The following G3BP1 variants were observed in gnomAD, a reference collection of about 807,000 sequenced individuals.
G3BP1 encodes ras GTPase-activating protein-binding protein 1.
G3BP1 carries 35 observed loss-of-function variants against 58.6 expected under a neutral mutation model. The ratio of observed to expected loss-of-function variants is 0.60; its 90% CI spans 0.46 to 0.79. The LOEUF is 0.79. G3BP1 is among the 30% of genes least tolerant of loss of function. The pLI is 0.00. For synonymous variants in G3BP1, 191 were observed against 195.4 expected (o/e 0.98, Z 0.19); for missense variants, 523 against 580.8 (o/e 0.90, Z 1.02).
At chr5:151,790,611 T>C (rs1209144566) in intron 3 of G3BP1, among the ~76,000 whole-genome samples, 2 of 152,210 alleles carry the variant, frequency 1.3e-5, no homozygotes, top group East Asian at 1.9e-4. Context: ...TGATATATTC[T>C]AAAGCTTTTG....
chr5:151,775,117 G>A (rs1438259671), intron 1 of G3BP1, among the ~76,000 whole-genome samples: 3 of 152,168 alleles, frequency 2.0e-5, no homozygotes, highest in Non-Finnish European at 2.9e-5. Flanking sequence ...TAGTAAATAA[G>A]GTCTTTAGGC....
chr5:151,799,351 A>T, intron 8 of G3BP1, 38 bp downstream of exon 8: 1 of 1,012,228 alleles, frequency 9.9e-7, no homozygotes, highest in Non-Finnish European at 1.6e-6. Flanking sequence ...AGGCAAATTT[A>T]CTTCTATTGT....
At chr5:151,778,652 A>G (rs1027569782) in intron 1 of G3BP1, among the ~76,000 whole-genome samples, 2 of 152,054 alleles carry the variant, frequency 1.3e-5, no homozygotes, top group Admixed American at 1.3e-4. Context: ...ATGTTGGCCA[A>G]GCTAGTCTCG....
Position 151,799,958 on chromosome 5 carries a change from G to A in G3BP1, c.913G>A (p.Glu305Lys). The part of the protein sequence containing the change: ...QRPQRDQRVR[E>K]QRINIPPQRG... ...ACCTCAGCGGGATCAAAGAGTGCGA[G>A]AACAACGAATAAATATTCCTCCCCA... Residue 305 changes from glutamate (E) to lysine (K), a missense_variant, in exon 9 of 12, where the codon GAA becomes AAA. Physicochemically the swap from Glu to Lys is moderately conservative, Grantham distance 56. This residue lies in a region of G3BP1 where 398 missense variants were observed against 399.1 expected (regional missense o/e 1.00). Coordinates refer to ENST00000356245, the MANE Select transcript of G3BP1 (RefSeq NM_005754.3). 6.2e-7 allele frequency: 1 copy of A among 1,612,870 alleles called. No individual in the cohort carries two copies. The highest frequency in any genetic ancestry group is 1.3e-5 in the African/African-American group (1 of 74,992).
intron 1 of G3BP1, among the ~76,000 whole-genome samples, chr5:151,779,124 C>T (rs901742346): frequency 5.3e-5 from 8 of 151,580 alleles, no homozygotes; most frequent in African/African-American, 7.3e-5. Context: ...GGCTTGCCTG[C>T]GTGCCTTTTC....
At chr5:151,785,538 A>C (rs748039599) in intron 1 of G3BP1, among the ~76,000 whole-genome samples, 27 of 152,132 alleles carry the variant, frequency 1.8e-4, no homozygotes, top group Non-Finnish European at 4.0e-4. Context: ...GGATAATTTT[A>C]TCTCTTCCCC....
intron 3 of G3BP1, 32 bp from the exon 4 acceptor site, chr5:151,790,857 T>TTGA (rs1385132505): frequency 1.6e-6 from 2 of 1,283,374 alleles, no homozygotes; most frequent in African/African-American, 3.0e-5. Flanking sequence ...GCATTCTCAG[T>TTGA]TGATTATTAT....
At chr5:151,795,967 G>A (rs533437404) in intron 6 of G3BP1, among the ~76,000 whole-genome samples, 1 of 152,304 alleles carries the variant, frequency 6.6e-6, no homozygotes, top group African/African-American at 2.4e-5. Flanking sequence ...ATACCAATAT[G>A]TGAGTTAAGT....
intron 1 of G3BP1, 53 bp from the exon 2 acceptor site, chr5:151,786,517 CTG>C: frequency 1.4e-6 from 1 of 731,290 alleles, no homozygotes; most frequent in South Asian, 1.6e-5. Flanking sequence ...GATCTTGTCT[CTG>C]AGTTGGTTTC....
rs1763033233 is a variant in G3BP1, at chr5:151,812,679, A to T, written c.*8588A>T. ...AGTCAATGAATCCTGAGTCAAAATGAAAGGTTGCTAAATCTAAGATCGAGT... is the reference window on the plus strand; with the variant it reads ...AGTCAATGAATCCTGAGTCAAAATGTAAGGTTGCTAAATCTAAGATCGAGT... On this transcript the variant is annotated 3_prime_UTR_variant, in exon 12 of 12. Coordinates refer to ENST00000356245, the MANE Select transcript of G3BP1 (RefSeq NM_005754.3). The T allele has an allele frequency of 6.6e-6, 1 of 152,364 alleles. No homozygotes were observed. The highest frequency in any genetic ancestry group is 6.5e-5 in the Admixed American group (1 of 15,306). The allele number at this position is 152,364 out of a possible 1,614,324, so 9.4% of individuals were successfully genotyped here.
rs1356610864 is a variant in G3BP1 at position 151,809,260 on chromosome 5, T to A, written c.*5169T>A. 1 of 152,126 alleles carries A rather than the reference T, an allele frequency of 6.6e-6. No homozygotes were observed. Among genetic ancestry groups the A allele is most frequent in the Non-Finnish European group, 1.5e-5 (1 of 68,028 alleles). The allele number at this position is 152,126 out of a possible 1,614,324, so 9.4% of individuals were successfully genotyped here. A position where few individuals can be genotyped will look rare whatever the true frequency, so the allele number is the denominator to read the frequency against. On this transcript the variant is annotated 3_prime_UTR_variant, in exon 12 of 12. Coordinates refer to ENST00000356245, the MANE Select transcript of G3BP1 (RefSeq NM_005754.3). ...TTTGATGTCAGTTGTTCTCCTAAAT[T>A]TTAAAATTTTGTTATGAAGATTGGA...
At chr5:151,792,688 T>A (rs909900249) in intron 4 of G3BP1, among the ~76,000 whole-genome samples, 1 of 151,314 alleles carries the variant, frequency 6.6e-6, no homozygotes, top group Non-Finnish European at 1.5e-5. Context: ...ACTGCAGCCT[T>A]GACTGCCTGG....
chr5:151,781,518 C>G (rs1255301567), intron 1 of G3BP1, among the ~76,000 whole-genome samples: 2 of 152,092 alleles, frequency 1.3e-5, no homozygotes, highest in Non-Finnish European at 2.9e-5. Context: ...TAGTACAATA[C>G]TGAAAGCCTT....
intron 1 of G3BP1, among the ~76,000 whole-genome samples, chr5:151,785,697 A>C (rs975087939): frequency 1.3e-5 from 2 of 152,220 alleles, no homozygotes; most frequent in Non-Finnish European, 2.9e-5. Context: ...CAATTTTGAT[A>C]CAGTAGGAAT....
intron 3 of G3BP1, 69 bp downstream of exon 3, chr5:151,790,473 A>G (rs1762632370): frequency 6.5e-6 from 5 of 771,780 alleles, no homozygotes; most frequent in East Asian, 5.6e-5. Flanking sequence ...GAAGTGGATC[A>G]TACTTAATAG....
chr5:151,793,844 A>G (rs1033490236), intron 4 of G3BP1, among the ~76,000 whole-genome samples: 3 of 151,178 alleles, frequency 2.0e-5, no homozygotes, highest in Non-Finnish European at 2.9e-5. Context: ...AAAAAAAAAA[A>G]AAAAAAAGAA....
intron 4 of G3BP1, among the ~76,000 whole-genome samples, chr5:151,793,852 GAA>G (rs1015720578): frequency 7.5e-6 from 1 of 132,780 alleles, no homozygotes; most frequent in Non-Finnish European, 1.7e-5. Context: ...AAAAAAAAAA[GAA>G]AAAAGAGAAA....
chr5:151,773,442 CT>C (rs1299114735), intron 1 of G3BP1, among the ~76,000 whole-genome samples: 2 of 152,150 alleles, frequency 1.3e-5, no homozygotes, highest in African/African-American at 4.8e-5. Flanking sequence ...TTTGTGTACA[CT>C]CCGTTTATTT....
chr5:151,799,863 A>T (rs775700753), intron 8 of G3BP1, 26 bp from the exon 9 acceptor site: 1 of 1,372,588 alleles, frequency 7.3e-7, no homozygotes, highest in Non-Finnish European at 1.0e-6. Context: ...TTGTTTTAAC[A>T]CAAAAGTTAA....
Sources: gnomAD v4.1 joint callset for allele counts (sites outside exome capture counted in the v4.1 genomes callset) on GRCh38, gnomAD v4.1.1 for gene constraint, gnomAD v4.1.1 regional missense constraint, MANE v1.5 for transcripts, NCBI Gene and HGNC (gene_info 2026-07-23, HGNC 2026-07-21) for gene names.